STX18: variants seen among roughly 807,000 people sequenced by gnomAD.
STX18 encodes the protein syntaxin 18, also known as syntaxin-18.
STX18 carries 40 observed loss-of-function variants against 50.1 expected under a neutral mutation model. That is an observed-to-expected ratio of 0.80 (90% confidence interval 0.62 to 1.04). The LOEUF is 1.04. STX18 is among the 50% of genes least tolerant of loss of function. The probability of loss-of-function intolerance (pLI) is 0.00; values close to 1 mark genes in which losing one functional copy is unlikely to be tolerated. For synonymous variants in STX18, 158 were observed against 151.8 expected (o/e 1.04, Z -0.30); for missense variants, 410 against 415.8 (o/e 0.99, Z 0.12).
intron 1 of STX18, among the ~76,000 whole-genome samples, chr4:4,511,019 G>A (rs554071228): frequency 6.6e-6 from 1 of 152,302 alleles, no homozygotes; most frequent in Non-Finnish European, 1.5e-5. Context: ...GGAAGACAAG[G>A]GGGAGGGAGA....
intron 1 of STX18, among the ~76,000 whole-genome samples, chr4:4,513,108 G>A (rs1418392314): frequency 6.6e-6 from 1 of 152,124 alleles, no homozygotes; most frequent in Admixed American, 6.6e-5. Flanking sequence ...AAAATTTTAA[G>A]ACTTCCCAGA....
chr4:4,512,320 T>A (rs1275443384), intron 1 of STX18, among the ~76,000 whole-genome samples: 3 of 151,962 alleles, frequency 2.0e-5, no homozygotes, highest in Non-Finnish European at 4.4e-5. Context: ...GAATAATTCT[T>A]TTTCCTAATT....
chr4:4,530,140 T>C (rs1186371081), intron 1 of STX18, among the ~76,000 whole-genome samples: 1 of 152,188 alleles, frequency 6.6e-6, no homozygotes, highest in Non-Finnish European at 1.5e-5. Context: ...GGAGTTTTAC[T>C]TGTTCTGTTT....
chr4:4,483,751 C>T (rs981569094), intron 1 of STX18, among the ~76,000 whole-genome samples: 2 of 152,206 alleles, frequency 1.3e-5, no homozygotes, highest in African/African-American at 4.8e-5. Context: ...TCCATTTCAC[C>T]TCAGACAGTA....
At position 4,437,603 on chromosome 4, in the gene STX18, G is replaced by A. The variant is rs76332511; in HGVS notation, c.613+791C>T. On this transcript the variant is annotated intron_variant, in intron 6 of 10. Transcript: ENST00000306200. ...CCTGTAATTTCTGTGACATGTCCAG[G>A]ACCATGCCTAGCATCTGGAAGACAA... 8.6e-4 allele frequency: 846 copies of A among 985,156 alleles called. 7 individuals are homozygous for A. In the African/African-American group the frequency reaches 0.014, roughly 17 times the overall value. The allele number at this position is 985,156 out of a possible 1,614,324, so 61.0% of individuals were successfully genotyped here.
chr4:4,490,854 TAG>T (rs1261448678), intron 1 of STX18, among the ~76,000 whole-genome samples: 2 of 152,198 alleles, frequency 1.3e-5, no homozygotes, highest in Admixed American at 6.5e-5. Flanking sequence ...CTGACTTTAA[TAG>T]AGTTTCCCAT....
chr4:4,420,835 C>T lies in STX18; in HGVS notation c.912+29G>A, dbSNP rs768109955. Reference sequence around the variant, plus strand: ...GCTGGGACTCAGTGCTGCGCCACGTCGCACCTGGGGAACCTAAACAGTGCC... The same window carrying T: ...GCTGGGACTCAGTGCTGCGCCACGTTGCACCTGGGGAACCTAAACAGTGCC... On this transcript the variant is annotated intron_variant, in intron 10 of 10. Transcript: ENST00000306200. This position sits in a 1 kb window ranked among gnomAD's most constrained non-coding sequence, Gnocchi z 4.3. 6.2e-5 allele frequency: 99 copies of T among 1,601,948 alleles called. No individual in the cohort carries two copies. Among genetic ancestry groups the T allele is most frequent in the Middle Eastern group, 3.3e-4 (2 of 6,040 alleles).
At chr4:4,472,251 A>G (rs780430813) in intron 1 of STX18, among the ~76,000 whole-genome samples, 1 of 152,226 alleles carries the variant, frequency 6.6e-6, no homozygotes, top group Non-Finnish European at 1.5e-5. Context: ...ACAGGTACAA[A>G]GCACTGTGTT....
At chr4:4,461,735 A>G (rs944274169) in intron 2 of STX18, among the ~76,000 whole-genome samples, 4 of 152,120 alleles carry the variant, frequency 2.6e-5, no homozygotes, top group African/African-American at 7.2e-5. Flanking sequence ...CCTGGACAGA[A>G]CCTGGGCTAC....
At chr4:4,492,036 C>G (rs1159850571) in intron 1 of STX18, among the ~76,000 whole-genome samples, 3 of 151,580 alleles carry the variant, frequency 2.0e-5, no homozygotes, top group Admixed American at 1.3e-4. Flanking sequence ...TTTATGATGC[C>G]TTTGGGGTAT....
chr4:4,420,807 G>A lies in STX18; in HGVS notation c.912+57C>T, dbSNP rs758906075. 3.3e-5 allele frequency: 49 copies of A among 1,494,344 alleles called. No individual in the cohort carries two copies. Among genetic ancestry groups the A allele is most frequent in the Non-Finnish European group, 4.1e-5 (44 of 1,072,426 alleles). The allele number at this position is 1,494,344 out of a possible 1,614,324, so 92.6% of individuals were successfully genotyped here. On this transcript the variant is annotated intron_variant, in intron 10 of 10. Coordinates refer to ENST00000306200, the MANE Select transcript of STX18 (RefSeq NM_016930.4). The surrounding 1 kb of genome is among the most constrained non-coding windows in gnomAD (Gnocchi z 4.3). The stretch of plus-strand genomic sequence containing the variant: ...AGCTGTGCCGGCGAGACTAACACCC[G>A]CTGCTGGGACTCAGTGCTGCGCCAC...
intron 1 of STX18, among the ~76,000 whole-genome samples, chr4:4,485,664 C>A (rs1004163813): frequency 1.3e-5 from 2 of 152,146 alleles, no homozygotes; most frequent in African/African-American, 4.8e-5. Context: ...TCACCCTCAC[C>A]CCAGAGCTCA....
At chr4:4,541,312 T>C (rs1226733210) in intron 1 of STX18, among the ~76,000 whole-genome samples, 2 of 152,054 alleles carry the variant, frequency 1.3e-5, no homozygotes, top group African/African-American at 4.8e-5. Flanking sequence ...AGGAACTGAG[T>C]CCTACTTATT....
intron 5 of STX18, among the ~76,000 whole-genome samples, chr4:4,452,053 T>C (rs1726781088): frequency 6.6e-6 from 1 of 152,226 alleles, no homozygotes; most frequent in African/African-American, 2.4e-5. Context: ...AAAACAGCCT[T>C]ATTGCCGATG....
At chr4:4,473,291 CTTT>C (rs565584459) in intron 1 of STX18, among the ~76,000 whole-genome samples, 4 of 134,646 alleles carry the variant, frequency 3.0e-5, no homozygotes, top group Non-Finnish European at 1.6e-5. Flanking sequence ...GGAAATCTGA[CTTT>C]TTTTTTTTTT....
intron 9 of STX18, 123 bp downstream of exon 9, chr4:4,423,395 T>C: frequency 1.1e-6 from 1 of 917,244 alleles, no homozygotes. Context: ...ACACACCTGC[T>C]AGCAACACAT....
chr4:4,421,164 C>G (rs1724938847), intron 9 of STX18, among the ~76,000 whole-genome samples: 2 of 152,156 alleles, frequency 1.3e-5, no homozygotes. Flanking sequence ...CAGTAGCCGT[C>G]ACCAAGGGCT....
chr4:4,421,554 T>C (rs893236917), intron 9 of STX18, among the ~76,000 whole-genome samples: 1 of 152,130 alleles, frequency 6.6e-6, no homozygotes, highest in Non-Finnish European at 1.5e-5. Flanking sequence ...CGCGCAGGGC[T>C]GAGACCCCAT....
At chr4:4,467,900 A>G (rs1727701365) in intron 2 of STX18, among the ~76,000 whole-genome samples, 1 of 152,188 alleles carries the variant, frequency 6.6e-6, no homozygotes, top group Non-Finnish European at 1.5e-5. Flanking sequence ...GAGGAGCCAA[A>G]AAAATACTGT....
Sources: allele counts gnomAD v4.1 joint callset (sites outside exome capture counted in the v4.1 genomes callset), GRCh38; gene constraint gnomAD v4.1.1; non-coding constraint Gnocchi (gnomAD v3.1); transcripts MANE v1.5; gene names NCBI Gene and HGNC (gene_info 2026-07-23, HGNC 2026-07-21).